PMVK: variants seen among roughly 807,000 people sequenced by gnomAD.
PMVK encodes phosphomevalonate kinase.
PMVK carries 10 observed loss-of-function variants against 19.0 expected under a neutral mutation model. That is an observed-to-expected ratio of 0.53 (90% CI 0.32 to 0.89). The LOEUF is 0.89. Ranked by LOEUF, PMVK falls within the 40% of genes least tolerant of loss-of-function variation. The pLI is 0.03. For missense variants in PMVK, 222 were observed against 251.1 expected (o/e 0.88, Z 0.78); for synonymous variants, 108 against 101.6 (o/e 1.06, Z -0.38).
intron 1 of PMVK, 43 bp from the exon 2 acceptor site, chr1:154,932,458 C>T (rs775786499): frequency 9.8e-6 from 14 of 1,422,960 alleles, no homozygotes; most frequent in Non-Finnish European, 1.4e-5. Context: ...CTAGAATTTC[C>T]AGGAGCTTCC....
chr1:154,934,499 G>C (rs962145038), intron 1 of PMVK, among the ~76,000 whole-genome samples: 1 of 151,960 alleles, frequency 6.6e-6, no homozygotes, highest in Non-Finnish European at 1.5e-5. Flanking sequence ...TTTATCTTTT[G>C]TAGAGAGGGG....
At chr1:154,927,130 C>T (rs931979396) in intron 3 of PMVK, among the ~76,000 whole-genome samples, 8 of 152,244 alleles carry the variant, frequency 5.3e-5, no homozygotes, top group African/African-American at 1.9e-4. Flanking sequence ...CCCCTCTGCG[C>T]CCCAACCATA....
the PMVK span, among the ~76,000 whole-genome samples, chr1:154,942,024 G>A: frequency 6.6e-6 from 1 of 152,172 alleles, no homozygotes; most frequent in Non-Finnish European, 1.5e-5. Context: ...TTTGGGACTG[G>A]CCAAAGGAAA....
intron 1 of PMVK, among the ~76,000 whole-genome samples, chr1:154,935,872 G>T (rs1011444246): frequency 6.6e-6 from 1 of 151,934 alleles, no homozygotes; most frequent in Non-Finnish European, 1.5e-5. Flanking sequence ...CCATTTTTTT[G>T]TAGAGACTAG....
At chr1:154,942,408 GA>G in the PMVK span, among the ~76,000 whole-genome samples, 1 of 152,214 alleles carries the variant, frequency 6.6e-6, no homozygotes, top group Non-Finnish European at 1.5e-5. Context: ...GAGATCATCC[GA>G]AGACCTGGAC....
chr1:154,932,401 A>T lies in PMVK; in HGVS notation c.110T>A (p.Val37Asp). The change falls in exon 2 of 5, where the codon GTC (valine) becomes GAC (aspartate). Residue 37 changes from valine (V) to aspartate (D), a missense_variant. Physicochemically the swap from Val to Asp is radical, Grantham distance 152. Coordinates refer to ENST00000368467, the MANE Select transcript of PMVK (RefSeq NM_006556.4). ...EALQSRLGAD[V>D]CAVLRLSGPL... The stretch of plus-strand genomic sequence containing the variant: ...ACCAGAGAGCCGGAGGACAGCACAG[A>T]CATCAGCTCCAAGTCTGCAGGACAG... 6.2e-7 allele frequency: 1 copy of T among 1,611,976 alleles called. No homozygotes were observed. The highest frequency in any genetic ancestry group is 1.1e-5 in the South Asian group (1 of 90,862).
chr1:154,937,019 A>C, upstream of PMVK: 1 of 226,584 alleles, frequency 4.4e-6, no homozygotes. Context: ...CTTAACTGAC[A>C]CCCGGGGAGG....
Position 154,925,263 on chromosome 1 carries a change from C to T in PMVK, c.445G>A (p.Val149Met), listed in dbSNP as rs755487560. Residue 149 changes from valine to methionine, a missense_variant and splice_region_variant, in exon 5 of 5, where the codon GTG becomes ATG. Coordinates refer to ENST00000368467, the MANE Select transcript of PMVK (RefSeq NM_006556.4). ...QQRGWVFTPG[V>M]DDAESECGLD... ...CCACATTCTGACTCAGCATCGTCCA[C>T]CCCTATGAAGGAAGCATGGTGAGGT... The T allele has an allele frequency of 6.2e-7, 1 of 1,614,154 alleles. No homozygotes were observed. Among genetic ancestry groups the T allele is most frequent in the Admixed American group, 1.7e-5 (1 of 60,028 alleles).
At chr1:154,930,314 C>G (rs2798600) in intron 2 of PMVK, among the ~76,000 whole-genome samples, 3 of 152,126 alleles carry the variant, frequency 2.0e-5, no homozygotes, top group African/African-American at 7.2e-5. Flanking sequence ...AAAACAATTA[C>G]CCGGGCGTGG....
chr1:154,925,199 T>C lies in PMVK; in HGVS notation c.509A>G (p.Asn170Ser), dbSNP rs992087629. The C allele has an allele frequency of 1.9e-6, 3 of 1,613,354 alleles. No homozygotes were observed. In the African/African-American group the frequency reaches 4.0e-5, roughly 22 times the overall value. ...NFGDFDWVIE[N>S]HGVEQRLEEQ... The stretch of plus-strand genomic sequence containing the variant: ...CTCCAGGCGCTGTTCAACTCCATGG[T>C]TCTCGATGACCCAGTCAAAGTCCCC... The change falls in exon 5 of 5, where the codon AAC becomes AGC. Residue 170 changes from asparagine to serine, a missense_variant. By Grantham distance (46) the Asn-to-Ser change is conservative. Transcript: ENST00000368467.
chr1:154,937,325 A>G (rs1026364581), upstream of PMVK: 4 of 152,308 alleles, frequency 2.6e-5, no homozygotes, highest in African/African-American at 7.2e-5. Flanking sequence ...CGCGCACACG[A>G]TATTTCATTG....
At position 154,924,833 on chromosome 1, in the gene PMVK, C is replaced by T. The variant is rs59132276; in HGVS notation, c.*296G>A. On this transcript the variant is annotated 3_prime_UTR_variant, in exon 5 of 5. Coordinates refer to ENST00000368467, the MANE Select transcript of PMVK (RefSeq NM_006556.4). ...AGAACATCCAGTCAGGATGCAAGGC[C>T]ACCACAGGCTGAGGGGACTGGCACT... 1.8e-5 allele frequency: 7 copies of T among 389,456 alleles called. No individual in the cohort carries two copies. In the East Asian group the frequency reaches 3.0e-4, roughly 17 times the overall value. The allele number at this position is 389,456 out of a possible 1,614,324, so 24.1% of individuals were successfully genotyped here.
chr1:154,928,096 AG>A (rs1345198065), intron 3 of PMVK, among the ~76,000 whole-genome samples: 1 of 152,282 alleles, frequency 6.6e-6, no homozygotes, highest in East Asian at 1.9e-4. Context: ...AGAATGAATG[AG>A]GAAAAAAAGG....
At chr1:154,935,666 G>T (rs779727249) in intron 1 of PMVK, among the ~76,000 whole-genome samples, 7 of 152,112 alleles carry the variant, frequency 4.6e-5, no homozygotes, top group Non-Finnish European at 8.8e-5. Context: ...GACCAGCAAG[G>T]GTTTTTTGTT....
the PMVK span, among the ~76,000 whole-genome samples, chr1:154,941,819 G>T: frequency 1.3e-5 from 2 of 152,170 alleles, no homozygotes; most frequent in African/African-American, 4.8e-5. Context: ...GGGCCTAGGG[G>T]ACCTGGGGAG....
chr1:154,932,618 T>G (rs1464078972), intron 1 of PMVK, among the ~76,000 whole-genome samples: 1 of 152,204 alleles, frequency 6.6e-6, no homozygotes, highest in Non-Finnish European at 1.5e-5. Context: ...CACACAGGAT[T>G]ATTATGAAAC....
chr1:154,936,641 G>T lies in PMVK; in HGVS notation c.45C>A (p.Ser15Arg). 2 of 1,609,514 alleles carry T rather than the reference G, an allele frequency of 1.2e-6. No individual in the cohort carries two copies. Among genetic ancestry groups the T allele is most frequent in the Non-Finnish European group, 8.5e-7 (1 of 1,178,294 alleles). The change falls in exon 1 of 5, where the codon AGC becomes AGA. Residue 15 changes from serine to arginine, a missense_variant. Transcript: ENST00000368467. ...AGTCCTTCCCGGATTTCCTCTTGCC[G>T]CTGAACAGCAGTACCAGCCGCGGGG... is the stretch of plus-strand genomic sequence containing the variant. ...GGAPRLVLLF[S>R]GKRKSGKDFV... is the part of the protein sequence containing the mutation.
In PMVK at chr1:154,929,110, T is replaced by C. The variant is rs1654259133; in HGVS notation, c.226A>G (p.Met76Val). The C allele has an allele frequency of 1.9e-6, 3 of 1,614,136 alleles. No individual in the cohort carries two copies. The highest frequency in any genetic ancestry group is 2.5e-6 in the Non-Finnish European group (3 of 1,179,948). Residue 76 changes from methionine to valine, a missense_variant, in exon 3 of 5, where the codon ATG becomes GTG. By Grantham distance (21) the Met-to-Val change is conservative. Coordinates refer to ENST00000368467, the MANE Select transcript of PMVK (RefSeq NM_006556.4). Reference protein sequence around the residue: ...STYKEAFRKDMIRWGEEKRQA... With the variant: ...STYKEAFRKDVIRWGEEKRQA... The stretch of plus-strand genomic sequence containing the variant: ...CGTTTCTCCTCTCCCCAGCGGATCA[T>C]GTCCTTCCGAAAGGCCTCCTTGTAG...
Position 154,936,630 on chromosome 1 carries a change from T to C in PMVK, c.56A>G (p.Lys19Arg). 6.2e-7 allele frequency: 1 copy of C among 1,609,700 alleles called. No individual in the cohort carries two copies. Among genetic ancestry groups the C allele is most frequent in the South Asian group, 1.1e-5 (1 of 89,994 alleles). The change falls in exon 1 of 5, where the codon AAA (lysine) becomes AGA (arginine). Residue 19 changes from lysine to arginine, a missense_variant. Lys to Arg is a conservative substitution (Grantham distance 26, BLOSUM62 2). Coordinates refer to ENST00000368467, the MANE Select transcript of PMVK (RefSeq NM_006556.4). ...RLVLLFSGKR[K>R]SGKDFVTEAL... ...CTCGGTCACGAAGTCCTTCCCGGAT[T>C]TCCTCTTGCCGCTGAACAGCAGTAC...
Sources: allele counts gnomAD v4.1 joint callset (sites outside exome capture counted in the v4.1 genomes callset), GRCh38; gene constraint gnomAD v4.1.1; transcripts MANE v1.5; gene names NCBI Gene and HGNC (gene_info 2026-07-23, HGNC 2026-07-21).